Variants in THRB observed in about 807,000 individuals in gnomAD.
THRB encodes the protein thyroid hormone receptor beta.
Under a neutral mutation model 47.8 loss-of-function variants are expected in THRB, and 12 were observed. That is an observed-to-expected ratio of 0.25 (90% CI 0.16 to 0.41). The LOEUF (loss-of-function observed/expected upper bound fraction) is 0.41, where lower values mean the gene tolerates loss of function less well. Ranked by LOEUF, THRB falls within the 10% of genes least tolerant of loss-of-function variation. The pLI, the probability that THRB is intolerant of heterozygous loss-of-function variation, is 1.00. For synonymous variants in THRB, 218 were observed against 212.2 expected (o/e 1.03, Z -0.24); for missense variants, 348 against 589.2 (o/e 0.59, Z 4.24).
At chr3:24,149,008 G>T (rs1399656186) in intron 6 of THRB, among the ~76,000 whole-genome samples, 1 of 152,188 alleles carries the variant, frequency 6.6e-6, no homozygotes, top group Non-Finnish European at 1.5e-5. Flanking sequence ...ACGCAGGGCA[G>T]TTGTTGGAGA....
chr3:24,414,531 G>A (rs954504975), intron 1 of THRB, among the ~76,000 whole-genome samples: 2 of 151,712 alleles, frequency 1.3e-5, no homozygotes, highest in African/African-American at 4.8e-5. Flanking sequence ...TTAGCCATCC[G>A]GACATAGCCA....
chr3:24,429,374 A>T (rs115229829), intron 1 of THRB, among the ~76,000 whole-genome samples: 1 of 151,768 alleles, frequency 6.6e-6, no homozygotes, highest in African/African-American at 2.4e-5. Context: ...TCATATCCCT[A>T]TTTCAGCAAG....
chr3:24,483,885 C>T (rs550784852), intron 1 of THRB: 4 of 152,354 alleles, frequency 2.6e-5, no homozygotes, highest in South Asian at 4.1e-4. Context: ...CATCCCATCC[C>T]GCTTTATTTA....
At chr3:24,168,124 A>G (rs1575552971) in intron 5 of THRB, among the ~76,000 whole-genome samples, 1 of 152,330 alleles carries the variant, frequency 6.6e-6, no homozygotes, top group East Asian at 1.9e-4. Context: ...AACACTCCTC[A>G]TACCAAGTGG....
rs200124942 is a variant in THRB, at chr3:24,190,289, C to T, written c.68G>A (p.Arg23Gln). 7.6e-5 allele frequency: 123 copies of T among 1,613,952 alleles called. 3 individuals are homozygous for T. The highest frequency in any genetic ancestry group is 4.8e-4 in the South Asian group (44 of 91,082). ...AWDKPKHCPD[R>Q]EHDWKLVGMS... ...TCCTACTAGCTTCCAGTCGTGTTCT[C>T]GGTCTGGACAGTGCTTCGGTTTGTC... is the stretch of plus-strand genomic sequence containing the variant. The change falls in exon 5 of 11, where the codon CGA (arginine) becomes CAA (glutamine). Residue 23 changes from arginine to glutamine, a missense_variant. Arg to Gln is a conservative substitution (Grantham distance 43). Around this residue, in one of 5 missense-constraint regions of THRB, gnomAD observed 148 missense variants for 122.3 expected, o/e 1.21. Transcript: ENST00000646209.
At chr3:24,322,121 A>G (rs956089868) in intron 2 of THRB, among the ~76,000 whole-genome samples, 2 of 152,194 alleles carry the variant, frequency 1.3e-5, no homozygotes, top group Admixed American at 1.3e-4. Context: ...TTATGAATAT[A>G]TTTTAAGGCA....
In THRB at chr3:24,283,428, G is replaced by C. The variant is rs1189333571; in HGVS notation, c.-43+13798C>G. On this transcript the variant is annotated intron_variant, in intron 3 of 10. Coordinates refer to ENST00000646209, the MANE Select transcript of THRB (RefSeq NM_001354712.2). ...TCAATAAATTAGGTATTGATGGGAC[G>C]TATCTCAAAATAATAAGAGCTATTT... is the stretch of plus-strand genomic sequence containing the variant. Among the ~76,000 whole-genome samples the C allele has an allele frequency of 4.8e-5, 7 of 145,322 alleles. No homozygotes were observed. In the East Asian group the frequency reaches 7.8e-4, roughly 16 times the overall value.
At chr3:24,151,375 G>A (rs1297533330) in intron 6 of THRB, among the ~76,000 whole-genome samples, 1 of 152,190 alleles carries the variant, frequency 6.6e-6, no homozygotes, top group East Asian at 1.9e-4. Flanking sequence ...CGGGGCAGTT[G>A]GAGAAGCGGA....
At chr3:24,218,498 G>A (rs1288423358) in intron 4 of THRB, among the ~76,000 whole-genome samples, 1 of 151,786 alleles carries the variant, frequency 6.6e-6, no homozygotes, top group East Asian at 1.9e-4. Context: ...TTTAAGGTTA[G>A]CTGCAAAACA....
At chr3:24,209,162 G>A (rs535104070) in intron 4 of THRB, among the ~76,000 whole-genome samples, 53 of 152,272 alleles carry the variant, frequency 3.5e-4, no homozygotes, top group Non-Finnish European at 6.3e-4. Flanking sequence ...TTAGAATGGC[G>A]ATCATTAAAA....
At chr3:24,227,106 T>C (rs1041891793) in intron 4 of THRB, among the ~76,000 whole-genome samples, 1 of 149,912 alleles carries the variant, frequency 6.7e-6, no homozygotes, top group African/African-American at 2.5e-5. Context: ...TGTCTTGGGG[T>C]ATGTTCTTTG....
At chr3:24,348,377 CTGG>C (rs1054000147) in intron 1 of THRB, among the ~76,000 whole-genome samples, 23 of 152,200 alleles carry the variant, frequency 1.5e-4, no homozygotes, top group African/African-American at 4.8e-4. Flanking sequence ...TGTAATAAGG[CTGG>C]TCCCTGCCAC....
At chr3:24,153,516 A>G (rs1559467267) in intron 5 of THRB, among the ~76,000 whole-genome samples, 1 of 152,332 alleles carries the variant, frequency 6.6e-6, no homozygotes, top group South Asian at 2.1e-4. Flanking sequence ...AAATCCAACT[A>G]TGATAACTCT....
chr3:24,347,749 T>TA (rs966959444), intron 1 of THRB, among the ~76,000 whole-genome samples: 7 of 150,740 alleles, frequency 4.6e-5, no homozygotes, highest in Middle Eastern at 3.4e-3. Flanking sequence ...ACACATTGCT[T>TA]AAAAAAAAAC....
At chr3:24,412,449 A>G (rs1421039909) in intron 1 of THRB, among the ~76,000 whole-genome samples, 2 of 151,830 alleles carry the variant, frequency 1.3e-5, no homozygotes, top group Non-Finnish European at 2.9e-5. Flanking sequence ...TTTTGAGATA[A>G]CTGTTTAGGA....
At position 24,147,451 on chromosome 3, in the gene THRB, T is replaced by C. The variant is rs1354043343; in HGVS notation, c.385-629A>G. On this transcript the variant is annotated intron_variant, in intron 6 of 10. Transcript: ENST00000646209. The stretch of plus-strand genomic sequence containing the variant: ...CGCTCCAGGTTTTCTACCAAGTTTT[T>C]CCCCATAGCTCATTGCATTGAGGTT... Among the ~76,000 whole-genome samples, 4 of 152,266 alleles carry C rather than the reference T, an allele frequency of 2.6e-5. No homozygotes were observed. In the East Asian group the frequency reaches 7.7e-4, roughly 29 times the overall value.
intron 1 of THRB, among the ~76,000 whole-genome samples, chr3:24,418,099 G>A (rs772709235): frequency 4.2e-4 from 63 of 151,332 alleles, no homozygotes; most frequent in African/African-American, 7.3e-5. Context: ...ACTTAGTGTT[G>A]TTTAATTATC....
chr3:24,332,694 C>T (rs975150270), intron 2 of THRB, among the ~76,000 whole-genome samples: 2 of 152,122 alleles, frequency 1.3e-5, no homozygotes, highest in African/African-American at 4.8e-5. Flanking sequence ...TTCTTTCAAC[C>T]TGCTTTTAAA....
intron 3 of THRB, among the ~76,000 whole-genome samples, chr3:24,288,665 G>A (rs913153167): frequency 7.2e-5 from 11 of 152,180 alleles, no homozygotes; most frequent in African/African-American, 2.4e-4. Context: ...TGACTGCCAA[G>A]ACTTAAAATT....
Sources: allele counts gnomAD v4.1 joint callset (sites outside exome capture counted in the v4.1 genomes callset), GRCh38; gene constraint gnomAD v4.1.1; regional missense constraint gnomAD v4.1.1; transcripts MANE v1.5; gene names NCBI Gene and HGNC (gene_info 2026-07-23, HGNC 2026-07-21).